The following TMEM232 variants were observed in gnomAD, a reference collection of about 807,000 sequenced individuals.
TMEM232 encodes transmembrane protein 232.
Under a neutral mutation model 78.8 loss-of-function variants are expected in TMEM232, and 80 were observed. That is an observed-to-expected ratio of 1.01 (90% CI 0.85 to 1.22). The LOEUF (loss-of-function observed/expected upper bound fraction) is 1.22. Among genes scored for constraint, TMEM232 ranks in the 50% most tolerant of loss-of-function variants. The pLI is 0.00. For missense variants in TMEM232, 881 were observed against 742.2 expected (o/e 1.19, Z -2.17); for synonymous variants, 297 against 254.3 (o/e 1.17, Z -1.60).
intron 1 of TMEM232, among the ~76,000 whole-genome samples, chr5:110,702,735 G>A (rs915318985): frequency 3.9e-5 from 6 of 152,004 alleles, no homozygotes; most frequent in African/African-American, 1.4e-4. Flanking sequence ...GATGGATTTG[G>A]GAAATAACGG....
chr5:110,644,849 T>A (rs1336621760), intron 2 of TMEM232, among the ~76,000 whole-genome samples: 5 of 151,268 alleles, frequency 3.3e-5, no homozygotes, highest in African/African-American at 1.2e-4. Flanking sequence ...GAAAAACCAT[T>A]AGCTAGAATA....
chr5:110,447,353 G>T (rs991150367), intron 12 of TMEM232, among the ~76,000 whole-genome samples: 1 of 151,968 alleles, frequency 6.6e-6, no homozygotes, highest in African/African-American at 2.4e-5. Context: ...TAGGAATCAG[G>T]TTAGGCACTG....
At chr5:110,674,572 C>T (rs1791783825) in intron 1 of TMEM232, among the ~76,000 whole-genome samples, 1 of 152,116 alleles carries the variant, frequency 6.6e-6, no homozygotes, top group Non-Finnish European at 1.5e-5. Context: ...TAAAGAAGTT[C>T]AAACTAAAAA....
chr5:110,416,855 T>C (rs1035227015), downstream of TMEM232, among the ~76,000 whole-genome samples: 1 of 152,192 alleles, frequency 6.6e-6, no homozygotes, highest in African/African-American at 2.4e-5. Context: ...TTTTAGATAT[T>C]TTATTCCTTA....
chr5:110,434,138 AC>A (rs572539242), intron 12 of TMEM232, among the ~76,000 whole-genome samples: 12 of 150,664 alleles, frequency 8.0e-5, no homozygotes, highest in South Asian at 4.2e-4. Context: ...TGAAATTGAG[AC>A]CCCCCCAAAA....
At chr5:110,569,925 C>T (rs968625702) in intron 10 of TMEM232, among the ~76,000 whole-genome samples, 4 of 151,924 alleles carry the variant, frequency 2.6e-5, no homozygotes, top group Admixed American at 6.6e-5. Context: ...AATCCTGTCC[C>T]ATGCAGCACA....
intron 7 of TMEM232, among the ~76,000 whole-genome samples, chr5:110,618,797 T>C (rs28662821): frequency 0.019 from 2,826 of 152,272 alleles, 107 homozygotes; most frequent in African/African-American, 0.065. Flanking sequence ...TTCAATGATA[T>C]CAGCTCTACA....
intron 1 of TMEM232, among the ~76,000 whole-genome samples, chr5:110,724,746 C>T (rs1797988864): frequency 6.6e-6 from 1 of 152,192 alleles, no homozygotes; most frequent in Non-Finnish European, 1.5e-5. Context: ...AATGACTAGT[C>T]TTCTGCAGAA....
intron 12 of TMEM232, among the ~76,000 whole-genome samples, chr5:110,523,286 T>C (rs1303975349): frequency 6.6e-6 from 1 of 152,092 alleles, no homozygotes; most frequent in Admixed American, 6.5e-5. Context: ...TCATCTTCTC[T>C]CCCTTTTCTT....
In TMEM232 at chr5:110,430,396, C is replaced by T. The variant is rs371900082; in HGVS notation, c.1704-5480G>A. 4.6e-5 allele frequency among the ~76,000 whole-genome samples: 7 copies of T among 150,704 alleles called. No homozygotes were observed. In the South Asian group the frequency reaches 1.5e-3, roughly 31 times the overall value. On this transcript the variant is annotated intron_variant, in intron 12 of 13. Coordinates refer to ENST00000455884, the MANE Select transcript of TMEM232 (RefSeq NM_001039763.4). ...CTCAGAGCCCAAATAGGTTAATATTCAGATTGTCACCTTAATACTATCCCT... is the reference window on the plus strand; with the variant it reads ...CTCAGAGCCCAAATAGGTTAATATTTAGATTGTCACCTTAATACTATCCCT...
At chr5:110,653,396 GT>G (rs1788600552) in intron 2 of TMEM232, among the ~76,000 whole-genome samples, 1 of 152,186 alleles carries the variant, frequency 6.6e-6, no homozygotes, top group Non-Finnish European at 1.5e-5. Context: ...CATATATTCA[GT>G]GCTGTAAAAC....
At chr5:110,465,574 G>T (rs1315739080) in intron 12 of TMEM232, among the ~76,000 whole-genome samples, 1 of 151,672 alleles carries the variant, frequency 6.6e-6, no homozygotes, top group Non-Finnish European at 1.5e-5. Context: ...TCAATATTTT[G>T]GTATATAAAT....
intron 10 of TMEM232, among the ~76,000 whole-genome samples, chr5:110,584,761 T>A (rs1778612238): frequency 6.6e-6 from 1 of 152,100 alleles, no homozygotes; most frequent in African/African-American, 2.4e-5. Flanking sequence ...TGCTGAAGGA[T>A]CTTAATATAA....
At chr5:110,712,611 T>A (rs567079443) in intron 1 of TMEM232, among the ~76,000 whole-genome samples, 1 of 152,152 alleles carries the variant, frequency 6.6e-6, no homozygotes, top group South Asian at 2.1e-4. Context: ...CCGATCAAAA[T>A]GGAAAGAACG....
chr5:110,454,198 A>G (rs1481159990), intron 12 of TMEM232, among the ~76,000 whole-genome samples: 3 of 152,236 alleles, frequency 2.0e-5, no homozygotes, highest in Non-Finnish European at 4.4e-5. Context: ...ACAGCAGAAT[A>G]CAAACTATTT....
chr5:110,726,108 T>TCTCA (rs1554087763), intron 1 of TMEM232, among the ~76,000 whole-genome samples: 7 of 144,550 alleles, frequency 4.8e-5, no homozygotes, highest in South Asian at 2.2e-4. Flanking sequence ...CCTCTCTCTT[T>TCTCA]CACACACACA....
At chr5:110,568,214 G>T (rs879412416) in intron 11 of TMEM232, among the ~76,000 whole-genome samples, 4 of 151,888 alleles carry the variant, frequency 2.6e-5, no homozygotes, top group Non-Finnish European at 5.9e-5. Context: ...TGTGTTAAAT[G>T]AATTTAATTC....
intron 11 of TMEM232, among the ~76,000 whole-genome samples, chr5:110,548,781 A>AT (rs1373000841): frequency 2.0e-5 from 3 of 152,154 alleles, no homozygotes; most frequent in African/African-American, 7.2e-5. Flanking sequence ...TTCAGGGAGC[A>AT]TAAAATTAAA....
intron 10 of TMEM232, among the ~76,000 whole-genome samples, chr5:110,598,779 C>T (rs539950057): frequency 7.4e-4 from 107 of 145,266 alleles, no homozygotes; most frequent in Non-Finnish European, 1.4e-3. Flanking sequence ...CCAAACACCG[C>T]ATGTTCTCAC....
Sources: gnomAD v4.1 joint callset for allele counts (sites outside exome capture counted in the v4.1 genomes callset) on GRCh38, gnomAD v4.1.1 for gene constraint, MANE v1.5 for transcripts, NCBI Gene and HGNC (gene_info 2026-07-23, HGNC 2026-07-21) for gene names.